PXDNL: variants seen among roughly 807,000 people sequenced by gnomAD.
PXDNL encodes the protein probable oxidoreductase PXDNL.
PXDNL carries 145 observed loss-of-function variants against 150.8 expected under a neutral mutation model. The ratio of observed to expected loss-of-function variants is 0.96; its 90% CI spans 0.84 to 1.10. The LOEUF is 1.10. PXDNL is among the 50% of genes least tolerant of loss of function. PXDNL has a pLI of 0.00. For missense variants in PXDNL, 2,087 were observed against 1,873.9 expected, an observed-to-expected ratio of 1.11 and a Z score of -2.10; for synonymous variants, 757 against 725.7, an observed-to-expected ratio of 1.04 and a Z score of -0.69.
chr8:51,452,606 C>T (rs1490053659), intron 10 of PXDNL, among the ~76,000 whole-genome samples: 6 of 152,180 alleles, frequency 3.9e-5, no homozygotes, highest in Admixed American at 2.6e-4. Flanking sequence ...TTCTGAAGCC[C>T]TCCCAACCCA....
intron 4 of PXDNL, among the ~76,000 whole-genome samples, chr8:51,554,251 G>A (rs1477981515): frequency 6.6e-6 from 1 of 152,104 alleles, no homozygotes; most frequent in Non-Finnish European, 1.5e-5. Context: ...TGGGAATTTG[G>A]GGGGCAGAGA....
intron 1 of PXDNL, among the ~76,000 whole-genome samples, chr8:51,667,201 G>A (rs1461935897): frequency 1.3e-5 from 2 of 152,104 alleles, no homozygotes; most frequent in East Asian, 3.9e-4. Flanking sequence ...ATATGCCCCG[G>A]GTGTGATAGC....
chr8:51,468,696 C>A (rs1019961200), intron 8 of PXDNL, among the ~76,000 whole-genome samples: 1 of 151,878 alleles, frequency 6.6e-6, no homozygotes, highest in African/African-American at 2.4e-5. Flanking sequence ...TCTTTATCCA[C>A]TTTTTTTCTC....
intron 14 of PXDNL, among the ~76,000 whole-genome samples, chr8:51,418,201 T>G (rs1158403289): frequency 6.6e-6 from 1 of 152,166 alleles, no homozygotes; most frequent in African/African-American, 2.4e-5. Flanking sequence ...TGCTGTTGTT[T>G]ACAAAAATAT....
At chr8:51,368,630 T>G (rs1563377323) in intron 19 of PXDNL, among the ~76,000 whole-genome samples, 1 of 152,162 alleles carries the variant, frequency 6.6e-6, no homozygotes, top group Admixed American at 6.5e-5. Flanking sequence ...AATGAACCAC[T>G]AGGACTGCTT....
rs762712815 is a variant in PXDNL, at chr8:51,796,358, A to AC, written c.164+12822dup. On this transcript the variant is annotated intron_variant, in intron 1 of 22. Coordinates refer to ENST00000356297, the MANE Select transcript of PXDNL (RefSeq NM_144651.5). ...AACAACAACAACCAAAAAAAAAAAAACCTTCAAAAAAATCAATGAATACAC... is the reference window on the plus strand; with the variant it reads ...AACAACAACAACCAAAAAAAAAAAAACCCTTCAAAAAAATCAATGAATACAC... Among the ~76,000 whole-genome samples the AC allele has an allele frequency of 6.4e-3, 953 of 148,116 alleles. 9 individuals are homozygous for AC. The highest frequency in any genetic ancestry group is 0.01 in the Non-Finnish European group (681 of 66,736).
chr8:51,685,300 A>T (rs1420194847), intron 1 of PXDNL, among the ~76,000 whole-genome samples: 1 of 152,168 alleles, frequency 6.6e-6, no homozygotes, highest in Admixed American at 6.5e-5. Context: ...AGGACATGGG[A>T]AAGTTCTTTA....
At chr8:51,469,561 G>A (rs1810278620) in intron 8 of PXDNL, among the ~76,000 whole-genome samples, 1 of 151,946 alleles carries the variant, frequency 6.6e-6, no homozygotes. Flanking sequence ...ACCTCTGGTT[G>A]TGTCTAATCA....
At position 51,645,030 on chromosome 8, in the gene PXDNL, A is replaced by G. The variant is rs549150223; in HGVS notation, c.236+9659T>C. 4.1e-4 allele frequency among the ~76,000 whole-genome samples: 63 copies of G among 152,002 alleles called. 1 individual carries two copies. The South Asian group carries it at 0.013, about 31-fold the overall frequency. ...ATGGTTGTGGAAGCCGAGAAGTCCC[A>G]TGATCTGCCCTCTGCAAGCTGAAGA... On this transcript the variant is annotated intron_variant, in intron 2 of 22. Coordinates refer to ENST00000356297, the MANE Select transcript of PXDNL (RefSeq NM_144651.5).
At chr8:51,509,587 C>G (rs751632476) in intron 4 of PXDNL, among the ~76,000 whole-genome samples, 2 of 151,954 alleles carry the variant, frequency 1.3e-5, no homozygotes, top group Non-Finnish European at 2.9e-5. Flanking sequence ...CATGTGTCTC[C>G]TTCCCTGACC....
At chr8:51,471,205 C>T (rs1810324432) in intron 8 of PXDNL, among the ~76,000 whole-genome samples, 2 of 148,858 alleles carry the variant, frequency 1.3e-5, no homozygotes, top group South Asian at 4.2e-4. Context: ...CAAAAGAAGA[C>T]ATTTATGCAG....
intron 1 of PXDNL, among the ~76,000 whole-genome samples, chr8:51,766,963 T>C (rs1019866791): frequency 6.6e-6 from 1 of 152,162 alleles, no homozygotes; most frequent in Non-Finnish European, 1.5e-5. Context: ...GTGCCCTTGA[T>C]GGTACCCCAT....
At chr8:51,747,357 C>G (rs2036997002) in intron 1 of PXDNL, among the ~76,000 whole-genome samples, 1 of 152,202 alleles carries the variant, frequency 6.6e-6, no homozygotes, top group Non-Finnish European at 1.5e-5. Context: ...CCACCACCAT[C>G]AGGTGAACTC....
At chr8:51,413,738 C>T (rs536480228) in intron 14 of PXDNL, among the ~76,000 whole-genome samples, 12 of 152,160 alleles carry the variant, frequency 7.9e-5, no homozygotes, top group African/African-American at 2.6e-4. Flanking sequence ...TTTTATAGCT[C>T]TCTAACATGT....
intron 1 of PXDNL, among the ~76,000 whole-genome samples, chr8:51,678,780 A>AT (rs1310786651): frequency 6.6e-6 from 1 of 152,128 alleles, no homozygotes; most frequent in African/African-American, 2.4e-5. Context: ...TGACGAGTTA[A>AT]TGGGTGCAGC....
chr8:51,357,691 C>T (rs1381568865), intron 19 of PXDNL, among the ~76,000 whole-genome samples: 3 of 152,096 alleles, frequency 2.0e-5, no homozygotes, highest in Admixed American at 6.5e-5. Context: ...CAGAGTGGAA[C>T]AAATAGGATG....
At chr8:51,700,409 ACACAAACATATG>A (rs1938841649) in intron 1 of PXDNL, among the ~76,000 whole-genome samples, 1 of 152,106 alleles carries the variant, frequency 6.6e-6, no homozygotes, top group African/African-American at 2.4e-5. Context: ...AAATACACAC[ACACAAACATATG>A]CACACCCATA....
Position 51,537,091 on chromosome 8 carries a change from C to T in PXDNL, c.380+19749G>A, listed in dbSNP as rs1354718392. ...GCAAACATAAATCCCAGATAAGACT[C>T]GGATAGTATCTCTAGGACATGTAAT... On this transcript the variant is annotated intron_variant, in intron 4 of 22. Coordinates refer to ENST00000356297, the MANE Select transcript of PXDNL (RefSeq NM_144651.5). 3.3e-5 allele frequency among the ~76,000 whole-genome samples: 5 copies of T among 152,262 alleles called. No individual in the cohort carries two copies. The East Asian group carries it at 5.8e-4, about 18-fold the overall frequency.
chr8:51,408,760 A>G lies in PXDNL; in HGVS notation c.2864T>C (p.Leu955Pro), dbSNP rs1280681128. 1.3e-6 allele frequency: 2 copies of G among 1,586,630 alleles called. No individual in the cohort carries two copies. The highest frequency in any genetic ancestry group is 1.8e-5 in the Admixed American group (1 of 56,754). Residue 955 changes from leucine (L) to proline (P), a missense_variant, in exon 17 of 23, where the codon CTG (leucine) becomes CCG (proline). Coordinates refer to ENST00000356297, the MANE Select transcript of PXDNL (RefSeq NM_144651.5). ...ARQEQESPCF[L>P]AGDHRANEHL... ...CTCGTTGGCCCGGTGGTCCCCGGCC[A>G]GGAAACAGGGGCTCTCCTGCTCCTG...
Sources: allele counts gnomAD v4.1 joint callset (sites outside exome capture counted in the v4.1 genomes callset), GRCh38; gene constraint gnomAD v4.1.1; transcripts MANE v1.5; gene names NCBI Gene and HGNC (gene_info 2026-07-23, HGNC 2026-07-21).